Variants in MTR observed in about 807,000 individuals in gnomAD.
The protein encoded by MTR is methionine synthase.
Under a neutral mutation model 154.8 loss-of-function variants are expected in MTR, and 84 were observed. The observed-to-expected ratio is 0.54, with a 90% confidence interval of 0.45 to 0.65. The LOEUF is 0.65. Among genes scored for constraint, MTR ranks in the 30% least tolerant of loss-of-function variants. The probability of loss-of-function intolerance (pLI) is 0.00; values close to 1 mark genes in which losing one functional copy is unlikely to be tolerated. For missense variants in MTR, 1,275 were observed against 1,570.2 expected (o/e 0.81, Z 3.18); for synonymous variants, 554 against 553.9 (o/e 1.00, Z 0.00).
Position 236,885,297 on chromosome 1 carries a change from A to T in MTR, c.2775+78A>T, listed in dbSNP as rs1665954630. On this transcript the variant is annotated intron_variant, in intron 26 of 32. Coordinates refer to ENST00000366577, the MANE Select transcript of MTR (RefSeq NM_000254.3). ...ATCCTAGTTTTTAATGTGACTTTTTAAAATGGTTTTGAGGAGTGTAAAAGG... is the reference window on the plus strand; with the variant it reads ...ATCCTAGTTTTTAATGTGACTTTTTTAAATGGTTTTGAGGAGTGTAAAAGG... The T allele has an allele frequency of 2.0e-5, 19 of 961,318 alleles. No individual in the cohort carries two copies. The South Asian group carries it at 2.3e-4, about 12-fold the overall frequency. The allele number at this position is 961,318 out of a possible 1,614,324, so 59.5% of individuals were successfully genotyped here.
At chr1:236,805,621 G>A (rs1660938331) in intron 2 of MTR, among the ~76,000 whole-genome samples, 1 of 152,044 alleles carries the variant, frequency 6.6e-6, no homozygotes, top group African/African-American at 2.4e-5. Context: ...AGCCTTCCGA[G>A]TAGCTGGGAC....
intron 2 of MTR, among the ~76,000 whole-genome samples, chr1:236,804,197 A>G (rs1490286061): frequency 6.6e-6 from 1 of 152,236 alleles, no homozygotes; most frequent in Non-Finnish European, 1.5e-5. Flanking sequence ...ATTTGTGCTT[A>G]TAAGGGCACT....
chr1:236,823,471 T>G (rs1662093355), intron 8 of MTR, among the ~76,000 whole-genome samples: 1 of 152,228 alleles, frequency 6.6e-6, no homozygotes, highest in Admixed American at 6.5e-5. Context: ...GATTTTCCAC[T>G]GATAATCTGT....
At chr1:236,862,395 C>G in intron 21 of MTR, 52 bp downstream of exon 21, 1 of 1,472,452 alleles carries the variant, frequency 6.8e-7, no homozygotes, top group Non-Finnish European at 9.5e-7. Flanking sequence ...ACCTGGAAGA[C>G]TTGAGGTGGT....
Position 236,891,323 on chromosome 1 carries a change from G to C in MTR, c.3198G>C (p.Arg1066Ser). The change falls in exon 29 of 33, where the codon AGG becomes AGC. Residue 1066 changes from arginine to serine, a missense_variant. Transcript: ENST00000366577. ...CCATAGCCACCTTCTATGGGTTAAG[G>C]CAACAGGTATGGAAGGTGTACTGAC... Reference protein sequence around the residue: ...AEPIATFYGLRQQAEKDSAST... With the variant: ...AEPIATFYGLSQQAEKDSAST... 6.2e-7 allele frequency: 1 copy of C among 1,614,038 alleles called. No individual in the cohort carries two copies.
intron 1 of MTR, chr1:236,799,962 A>C (rs1417251504): frequency 6.4e-6 from 5 of 778,244 alleles, no homozygotes; most frequent in South Asian, 5.9e-5. Flanking sequence ...ACGGTGGCTC[A>C]ACAAACAAGA....
At chr1:236,852,911 C>T (rs200916492) in intron 17 of MTR, 37 bp from the exon 18 acceptor site, 102 of 1,612,644 alleles carry the variant, frequency 6.3e-5, no homozygotes, top group Non-Finnish European at 1.7e-5. Context: ...CTTAAGGTAT[C>T]ACTGTAAATT....
chr1:236,835,696 A>C lies in MTR; in HGVS notation c.1329+9A>C. 6.2e-7 allele frequency: 1 copy of C among 1,613,200 alleles called. No homozygotes were observed. Among genetic ancestry groups the C allele is most frequent in the East Asian group, 2.2e-5 (1 of 44,852 alleles). ...AGCCAGACATCGCAAAGGTTATACA[A>C]AGTTTATGTTTATCAGGGGGATTTA... On this transcript the variant is annotated intron_variant, in intron 14 of 32. Transcript: ENST00000366577.
intron 24 of MTR, among the ~76,000 whole-genome samples, chr1:236,877,988 T>G (rs1222672205): frequency 6.6e-6 from 1 of 152,242 alleles, no homozygotes; most frequent in African/African-American, 2.4e-5. Flanking sequence ...ATTGACCATT[T>G]GGATATGCTT....
chr1:236,821,181 C>T (rs1303126431), intron 8 of MTR, among the ~76,000 whole-genome samples: 1 of 152,190 alleles, frequency 6.6e-6, no homozygotes, highest in Non-Finnish European at 1.5e-5. Context: ...CCTTGTGCTG[C>T]TTCGTAGCAT....
intron 18 of MTR, among the ~76,000 whole-genome samples, chr1:236,858,959 C>G (rs1664364239): frequency 6.6e-6 from 1 of 152,170 alleles, no homozygotes; most frequent in African/African-American, 2.4e-5. Context: ...CTCAAAATTC[C>G]TATGTACTTA....
rs762986072 is a variant in MTR at position 236,874,717 on chromosome 1, A to C, written c.2474-9A>C. ...TTTGTCCTTTTTTTTTTAAAAAAAA[A>C]AAAAATAGATATAATTGGCCTGTCA... On this transcript the variant is annotated splice_polypyrimidine_tract_variant and intron_variant, in intron 23 of 32. Transcript: ENST00000366577. 1.4e-5 allele frequency: 22 copies of C among 1,563,680 alleles called. 1 individual carries two copies. The highest frequency in any genetic ancestry group is 1.9e-5 in the Non-Finnish European group (22 of 1,158,172).
chr1:236,838,497 C>T lies in MTR; in HGVS notation c.1413C>T (p.Ser471=), dbSNP rs1237588241. Residue 471 remains serine (S), a synonymous_variant, in exon 15 of 33, where the codon AGC becomes AGT. Transcript: ENST00000366577. The stretch of plus-strand genomic sequence containing the variant: ...GCCAAGGGAAGTGCATTGTCAATAG[C>T]ATTAGTCTGAAGGAAGGAGAGGACG... ...KCCQGKCIVN[S]ISLKEGEDDF... is the part of the protein sequence containing the mutation. 1.1e-5 allele frequency: 17 copies of T among 1,613,916 alleles called. No homozygotes were observed. The highest frequency in any genetic ancestry group is 1.3e-5 in the Non-Finnish European group (15 of 1,180,010).
intron 11 of MTR, among the ~76,000 whole-genome samples, chr1:236,828,391 AGAG>A (rs937251370): frequency 6.6e-6 from 1 of 152,182 alleles, no homozygotes; most frequent in African/African-American, 2.4e-5. Context: ...CTCTTTAAAA[AGAG>A]GAGTTGTTTT....
intron 22 of MTR, among the ~76,000 whole-genome samples, chr1:236,871,602 T>G (rs1665136853): frequency 6.6e-6 from 1 of 152,156 alleles, no homozygotes; most frequent in Non-Finnish European, 1.5e-5. Context: ...TATGTGACAG[T>G]CTATGCTTAG....
chr1:236,795,962 CCTG>C (rs1660359699), intron 1 of MTR, among the ~76,000 whole-genome samples: 1 of 152,222 alleles, frequency 6.6e-6, no homozygotes, highest in African/African-American at 2.4e-5. Context: ...GCCATCAAAA[CCTG>C]CAAAAAGCGT....
At chr1:236,878,439 C>G (rs1456431728) in intron 24 of MTR, among the ~76,000 whole-genome samples, 1 of 152,052 alleles carries the variant, frequency 6.6e-6, no homozygotes, top group African/African-American at 2.4e-5. Flanking sequence ...TTCCAGACAT[C>G]AGTGACTTGC....
intron 25 of MTR, among the ~76,000 whole-genome samples, chr1:236,882,991 G>A (rs1346945727): frequency 2.6e-5 from 4 of 152,176 alleles, no homozygotes; most frequent in African/African-American, 9.7e-5. Flanking sequence ...CATGGAACAG[G>A]ATCACATTTT....
chr1:236,852,477 TG>T, intron 16 of MTR, 43 bp from the exon 17 acceptor site: 1 of 1,465,676 alleles, frequency 6.8e-7, no homozygotes, highest in Non-Finnish European at 9.6e-7. Context: ...TTGCTGTTTT[TG>T]GCAAAAAAGG....
Sources: allele counts gnomAD v4.1 joint callset (sites outside exome capture counted in the v4.1 genomes callset), GRCh38; gene constraint gnomAD v4.1.1; transcripts MANE v1.5; gene names NCBI Gene and HGNC (gene_info 2026-07-23, HGNC 2026-07-21).